PDE3A: variants seen among roughly 807,000 people sequenced by gnomAD.
PDE3A encodes phosphodiesterase 3A.
Under a neutral mutation model 98.3 loss-of-function variants are expected in PDE3A, and 43 were observed. The observed-to-expected ratio is 0.44, with a 90% confidence interval of 0.34 to 0.56. The LOEUF (loss-of-function observed/expected upper bound fraction) is 0.56, where lower values mean the gene tolerates loss of function less well. Ranked by LOEUF, PDE3A falls within the 20% of genes least tolerant of loss-of-function variation. The pLI, the probability that PDE3A is intolerant of heterozygous loss-of-function variation, is 0.01. For missense variants in PDE3A, 1,427 were observed against 1,440.7 expected (o/e 0.99, Z 0.15); for synonymous variants, 663 against 567.9 (o/e 1.17, Z -2.38).
intron 1 of PDE3A, among the ~76,000 whole-genome samples, chr12:20,430,213 G>A (rs4762957): frequency 0.76 from 114,853 of 152,064 alleles, 44,520 homozygotes; most frequent in East Asian, 0.99. Context: ...TAAAATATTT[G>A]TGGCTCAGCA....
intron 2 of PDE3A, among the ~76,000 whole-genome samples, chr12:20,562,237 T>C (rs1027972016): frequency 1.1e-4 from 9 of 85,068 alleles, no homozygotes; most frequent in Non-Finnish European, 2.2e-4. Context: ...TTTTTTTTTT[T>C]TGGAGACGGA....
chr12:20,647,432 T>C, intron 12 of PDE3A, among the ~76,000 whole-genome samples: 1 of 2,678 alleles, frequency 3.7e-4, no homozygotes, highest in South Asian at 0.038. Flanking sequence ...GGATTTTTTA[T>C]TTTTTTTGCC....
chr12:20,481,178 A>G (rs1186315621), intron 1 of PDE3A, among the ~76,000 whole-genome samples: 1 of 152,206 alleles, frequency 6.6e-6, no homozygotes, highest in African/African-American at 2.4e-5. Flanking sequence ...ATGTTAACTG[A>G]GGTGTAGATG....
chr12:20,578,534 A>C (rs1414263036), intron 2 of PDE3A, among the ~76,000 whole-genome samples: 1 of 151,980 alleles, frequency 6.6e-6, no homozygotes, highest in African/African-American at 2.4e-5. Context: ...GCGCAGGTGG[A>C]AAATAGGATC....
intron 1 of PDE3A, among the ~76,000 whole-genome samples, chr12:20,450,276 A>G (rs1376750012): frequency 6.6e-6 from 1 of 152,160 alleles, no homozygotes; most frequent in African/African-American, 2.4e-5. Flanking sequence ...AACACTGGGG[A>G]CACAGCAGTG....
chr12:20,629,781 C>T lies in PDE3A; in HGVS notation c.1541-127C>T, dbSNP rs1944341484. 4 of 696,542 alleles carry T rather than the reference C, an allele frequency of 5.7e-6. No homozygotes were observed. In the Admixed American group the frequency reaches 8.7e-5, roughly 15 times the overall value. The allele number at this position is 696,542 out of a possible 1,614,324, so 43.1% of individuals were successfully genotyped here. A position where few individuals can be genotyped will look rare whatever the true frequency, so the allele number is the denominator to read the frequency against. On this transcript the variant is annotated intron_variant, in intron 5 of 15. Coordinates refer to ENST00000359062, the MANE Select transcript of PDE3A (RefSeq NM_000921.5). Reference sequence around the variant, plus strand: ...TTCAGATGTTGGTATGTGGAGGAGGCCAGCCCGGTGACCTGAGCAGGCACG... The same window carrying T: ...TTCAGATGTTGGTATGTGGAGGAGGTCAGCCCGGTGACCTGAGCAGGCACG...
At chr12:20,474,328 CT>C (rs1945490732) in intron 1 of PDE3A, among the ~76,000 whole-genome samples, 9 of 152,156 alleles carry the variant, frequency 5.9e-5, no homozygotes, top group Middle Eastern at 3.4e-3. Context: ...CGATATGTGT[CT>C]TTTGTCGTCT....
At chr12:20,390,470 A>AG (rs1943893076) in intron 1 of PDE3A, among the ~76,000 whole-genome samples, 1 of 151,136 alleles carries the variant, frequency 6.6e-6, no homozygotes, top group Admixed American at 6.6e-5. Context: ...AAAAAAAAAA[A>AG]AAACTGCAGT....
chr12:20,373,771 A>G (rs1478647944), intron 1 of PDE3A, among the ~76,000 whole-genome samples: 1 of 152,148 alleles, frequency 6.6e-6, no homozygotes, highest in Non-Finnish European at 1.5e-5. Flanking sequence ...TAGTTGTCGA[A>G]AGAAGAGTCA....
intron 1 of PDE3A, among the ~76,000 whole-genome samples, chr12:20,461,535 T>A (rs1945253127): frequency 6.6e-6 from 1 of 152,174 alleles, no homozygotes; most frequent in Admixed American, 6.5e-5. Flanking sequence ...TTTGCTTCTA[T>A]CTTTTTCTTC....
intron 1 of PDE3A, among the ~76,000 whole-genome samples, chr12:20,535,077 G>A (rs1941714628): frequency 6.6e-6 from 1 of 152,092 alleles, no homozygotes; most frequent in Non-Finnish European, 1.5e-5. Context: ...CTGCTATTAT[G>A]TTGATAGACT....
chr12:20,555,711 G>T (rs1336715528), intron 1 of PDE3A, among the ~76,000 whole-genome samples: 3 of 152,254 alleles, frequency 2.0e-5, no homozygotes, highest in Middle Eastern at 3.4e-3. Context: ...ATAGAATTAA[G>T]TCTTCTTTAC....
At chr12:20,630,151 GT>G in intron 6 of PDE3A, 24 bp downstream of exon 6, 3 of 1,480,356 alleles carry the variant, frequency 2.0e-6, no homozygotes, top group Non-Finnish European at 2.8e-6. Flanking sequence ...ATGAACTGAA[GT>G]TTAATAATAA....
intron 1 of PDE3A, among the ~76,000 whole-genome samples, chr12:20,533,098 A>G (rs902317575): frequency 2.6e-5 from 4 of 152,218 alleles, no homozygotes; most frequent in Non-Finnish European, 5.9e-5. Context: ...TGGAACTTCA[A>G]CTATACTACT....
At chr12:20,559,039 A>T (rs1414237584) in intron 2 of PDE3A, among the ~76,000 whole-genome samples, 2 of 152,184 alleles carry the variant, frequency 1.3e-5, no homozygotes, top group Non-Finnish European at 2.9e-5. Context: ...TATAATTCAC[A>T]TATAAGGCAA....
chr12:20,490,463 T>A (rs1945808509), intron 1 of PDE3A, among the ~76,000 whole-genome samples: 1 of 152,180 alleles, frequency 6.6e-6, no homozygotes, highest in Non-Finnish European at 1.5e-5. Flanking sequence ...CATGAGCACA[T>A]TGTGTTTGCT....
chr12:20,467,658 C>T lies in PDE3A; in HGVS notation c.961-89002C>T, dbSNP rs143673352. ...GACAGTAAAGAGTTGGTCAATGGGCCGGGCACGGTGGCTCCTGCCTGTAAT... is the reference window on the plus strand; with the variant it reads ...GACAGTAAAGAGTTGGTCAATGGGCTGGGCACGGTGGCTCCTGCCTGTAAT... On this transcript the variant is annotated intron_variant, in intron 1 of 15. Transcript: ENST00000359062. 3.3e-4 allele frequency among the ~76,000 whole-genome samples: 50 copies of T among 151,860 alleles called. 1 individual carries two copies. In the East Asian group the frequency reaches 8.7e-3, roughly 27 times the overall value.
chr12:20,458,530 A>G (rs1282212019), intron 1 of PDE3A, among the ~76,000 whole-genome samples: 6 of 152,274 alleles, frequency 3.9e-5, no homozygotes, highest in African/African-American at 1.4e-4. Flanking sequence ...ACAGGAAAAG[A>G]TGTATGCAGA....
chr12:20,424,482 CAT>C (rs1469464326), intron 1 of PDE3A, among the ~76,000 whole-genome samples: 1 of 152,058 alleles, frequency 6.6e-6, no homozygotes, highest in Admixed American at 6.5e-5. Flanking sequence ...AGAATTTAAA[CAT>C]ATGTTCAGGA....
Sources: allele counts gnomAD v4.1 joint callset (sites outside exome capture counted in the v4.1 genomes callset), GRCh38; gene constraint gnomAD v4.1.1; transcripts MANE v1.5; gene names NCBI Gene and HGNC (gene_info 2026-07-23, HGNC 2026-07-21).